The following TRAPPC10 variants were observed in gnomAD, a reference collection of about 807,000 sequenced individuals.
TRAPPC10 encodes the protein TRAPP 130 kDa subunit.
TRAPPC10 carries 23 observed loss-of-function variants against 125.5 expected under a neutral mutation model. The ratio of observed to expected loss-of-function variants is 0.18; its 90% confidence interval spans 0.13 to 0.26. The LOEUF (loss-of-function observed/expected upper bound fraction) is 0.26. Ranked by LOEUF, TRAPPC10 falls within the 10% of genes least tolerant of loss-of-function variation. The probability of loss-of-function intolerance (pLI) is 1.00; values close to 1 mark genes in which losing one functional copy is unlikely to be tolerated. For missense variants in TRAPPC10, 1,123 were observed against 1,308.4 expected, an observed-to-expected ratio of 0.86 and a Z score of 2.19; for synonymous variants, 509 against 518.0, an observed-to-expected ratio of 0.98 and a Z score of 0.24.
intron 11 of TRAPPC10, 61 bp from the exon 12 acceptor site, chr21:44,079,503 G>A (rs1021592243): frequency 2.1e-5 from 33 of 1,542,796 alleles, no homozygotes; most frequent in Non-Finnish European, 2.9e-5. Flanking sequence ...GGAGAGATGG[G>A]GTTTCAGTGT....
intron 2 of TRAPPC10, among the ~76,000 whole-genome samples, chr21:44,034,511 C>T (rs1341877025): frequency 6.6e-6 from 1 of 152,116 alleles, no homozygotes; most frequent in Non-Finnish European, 1.5e-5. Flanking sequence ...GTAGCCAGAT[C>T]CATGCTTCCT....
intron 1 of TRAPPC10, among the ~76,000 whole-genome samples, chr21:44,013,127 C>T (rs1032630182): frequency 6.9e-6 from 1 of 145,116 alleles, no homozygotes; most frequent in South Asian, 2.2e-4. Flanking sequence ...ATGAGAAAGC[C>T]GAGGCTCGGG....
chr21:44,049,190 C>T (rs2145816792), intron 3 of TRAPPC10, among the ~76,000 whole-genome samples: 1 of 152,308 alleles, frequency 6.6e-6, no homozygotes, highest in East Asian at 1.9e-4. Context: ...TACGTGCACA[C>T]ATTTACATCT....
At chr21:44,023,193 G>A (rs899764097) in intron 1 of TRAPPC10, among the ~76,000 whole-genome samples, 1 of 150,996 alleles carries the variant, frequency 6.6e-6, no homozygotes, top group African/African-American at 2.4e-5. Context: ...CCACCACGCC[G>A]GGCTAATTTT....
chr21:44,057,789 A>G (rs1182646958), intron 5 of TRAPPC10, among the ~76,000 whole-genome samples: 1 of 152,184 alleles, frequency 6.6e-6, no homozygotes, highest in Non-Finnish European at 1.5e-5. Flanking sequence ...TACAAAGGAG[A>G]GCTCTCAGTT....
At chr21:44,031,848 T>C (rs998196383) in intron 1 of TRAPPC10, among the ~76,000 whole-genome samples, 2 of 152,216 alleles carry the variant, frequency 1.3e-5, no homozygotes, top group African/African-American at 4.8e-5. Flanking sequence ...GATCCTTGTT[T>C]TCCTTGTGGG....
chr21:44,076,491 T>C, intron 9 of TRAPPC10, 61 bp from the exon 10 acceptor site: 1 of 1,378,206 alleles, frequency 7.3e-7, no homozygotes, highest in South Asian at 1.2e-5. Flanking sequence ...AAGGTGAATG[T>C]AAAGTCATGT....
intron 13 of TRAPPC10, among the ~76,000 whole-genome samples, chr21:44,080,792 G>A (rs1329864571): frequency 6.6e-6 from 1 of 151,474 alleles, no homozygotes; most frequent in Non-Finnish European, 1.5e-5. Context: ...ACCCACCTCA[G>A]CCTCCCAAAG....
intron 1 of TRAPPC10, among the ~76,000 whole-genome samples, chr21:44,027,202 A>G (rs2033151037): frequency 6.6e-6 from 1 of 152,212 alleles, no homozygotes; most frequent in Admixed American, 6.5e-5. Flanking sequence ...TTCCAACATA[A>G]ATCTCCAAAT....
rs1398092420 is a variant in TRAPPC10, at chr21:44,079,758, A to G, written c.1610+54A>G. On this transcript the variant is annotated intron_variant, in intron 12 of 22. Transcript: ENST00000291574. ...AAAATTATTTTCTGTTTATACGGCAACATTGCCCACAATCAATGTTTCATT... is the reference window on the plus strand; with the variant it reads ...AAAATTATTTTCTGTTTATACGGCAGCATTGCCCACAATCAATGTTTCATT... 3.2e-6 allele frequency: 5 copies of G among 1,559,594 alleles called. No homozygotes were observed. In the South Asian group the frequency reaches 4.7e-5, roughly 15 times the overall value.
At chr21:44,054,056 C>T (rs752824837) in intron 4 of TRAPPC10, among the ~76,000 whole-genome samples, 14 of 152,246 alleles carry the variant, frequency 9.2e-5, no homozygotes, top group Middle Eastern at 3.4e-3. Context: ...CCCCTGTAGG[C>T]GCACAGGAGA....
chr21:44,065,379 T>G (rs1369955181), intron 7 of TRAPPC10, among the ~76,000 whole-genome samples: 1 of 152,204 alleles, frequency 6.6e-6, no homozygotes, highest in Non-Finnish European at 1.5e-5. Flanking sequence ...GAGGAGCCTC[T>G]TATCCGTGGT....
rs1158842058 is a variant in TRAPPC10, at chr21:44,090,626, C to T, written c.2870+693C>T. On this transcript the variant is annotated intron_variant, in intron 18 of 22. Transcript: ENST00000291574. ...TGAGGCAGGCGGGGCTGTGTGCTTC[C>T]TGTTGACTGCACCGGGAGGCCCACG... is the stretch of plus-strand genomic sequence containing the variant. 2.0e-5 allele frequency among the ~76,000 whole-genome samples: 3 copies of T among 152,230 alleles called. No homozygotes were observed. In the East Asian group the frequency reaches 5.8e-4, roughly 29 times the overall value.
chr21:44,075,436 C>G (rs1345272998), intron 9 of TRAPPC10, among the ~76,000 whole-genome samples: 1 of 152,052 alleles, frequency 6.6e-6, no homozygotes, highest in Non-Finnish European at 1.5e-5. Context: ...AAATGCACCA[C>G]TGTCTCTCTG....
intron 2 of TRAPPC10, among the ~76,000 whole-genome samples, chr21:44,033,094 G>A (rs2033718051): frequency 6.6e-6 from 1 of 152,208 alleles, no homozygotes; most frequent in African/African-American, 2.4e-5. Flanking sequence ...GTAAGAGCAG[G>A]TGTTACTTGT....
In TRAPPC10 at chr21:44,086,818, C is replaced by G; in HGVS notation, c.2397C>G (p.Gly799=). The G allele has an allele frequency of 1.2e-6, 2 of 1,614,198 alleles. No individual in the cohort carries two copies. Among genetic ancestry groups the G allele is most frequent in the Non-Finnish European group, 1.7e-6 (2 of 1,180,016 alleles). The change falls in exon 16 of 23, where the codon GGC becomes GGG. Residue 799 remains glycine, a synonymous_variant. Coordinates refer to ENST00000291574, the MANE Select transcript of TRAPPC10 (RefSeq NM_003274.5). ...TTCCTTTAGATAGCCTTCTGGCAGG[C>G]ATTCCTCAGAGAGTCAAGTTCACTG... ...VEPLADSLLA[G]IPQRVKFTVT...
At chr21:44,016,053 G>A (rs1325495052) in intron 1 of TRAPPC10, among the ~76,000 whole-genome samples, 2 of 152,214 alleles carry the variant, frequency 1.3e-5, no homozygotes, top group African/African-American at 2.4e-5. Context: ...TATGTGAAAT[G>A]TGCAGGGATG....
intron 1 of TRAPPC10, among the ~76,000 whole-genome samples, chr21:44,031,057 C>G (rs1005973252): frequency 6.6e-6 from 1 of 152,168 alleles, no homozygotes; most frequent in East Asian, 1.9e-4. Flanking sequence ...GAGATGGGGA[C>G]CGGGCAGTGA....
intron 3 of TRAPPC10, chr21:44,046,851 C>T: frequency 1.4e-6 from 1 of 713,402 alleles, no homozygotes; most frequent in Non-Finnish European, 2.6e-6. Flanking sequence ...TCAAGTCCCT[C>T]TGCAGCGAGG....
Sources: gnomAD v4.1 joint callset for allele counts (sites outside exome capture counted in the v4.1 genomes callset) on GRCh38, gnomAD v4.1.1 for gene constraint, MANE v1.5 for transcripts, NCBI Gene and HGNC (gene_info 2026-07-23, HGNC 2026-07-21) for gene names.